Variants in ITGB1 observed in about 807,000 individuals in gnomAD.
ITGB1 encodes the protein integrin beta-1.
In ITGB1, 24 loss-of-function variants were observed where a neutral mutation model predicts 86.5. The ratio of observed to expected loss-of-function variants is 0.28; its 90% CI spans 0.20 to 0.39. The LOEUF is 0.39. Among genes scored for constraint, ITGB1 ranks in the 10% least tolerant of loss-of-function variants. ITGB1 has a pLI of 1.00. For missense variants in ITGB1, 556 were observed against 946.9 expected, an observed-to-expected ratio of 0.59 and a Z score of 5.42; for synonymous variants, 323 against 316.8, an observed-to-expected ratio of 1.02 and a Z score of -0.21.
intron 4 of ITGB1, among the ~76,000 whole-genome samples, chr10:32,928,832 T>C (rs2094973895): frequency 1.3e-5 from 2 of 151,612 alleles, no homozygotes; most frequent in South Asian, 4.2e-4. Flanking sequence ...AGAGAGATGA[T>C]GAAGGAGGAG....
Position 32,908,371 on chromosome 10 carries a change from G to A in ITGB1, c.2328C>T (p.Asp776=), listed in dbSNP as rs1397813663. Residue 776 remains aspartate, a synonymous_variant, in exon 15 of 16, where the codon GAC becomes GAT. Transcript: ENST00000302278. ...TTTTGGATGTTTTGTAACTTACCGT[G>A]TCCCATTTGGCATTCATTTTCTCCT... The part of the protein sequence containing the change: ...FEKEKMNAKW[D]TGENPIYKSA... The A allele has an allele frequency of 1.2e-6, 2 of 1,613,750 alleles. No homozygotes were observed.
Position 32,929,884 on chromosome 10 carries a change from T to C in ITGB1, c.314A>G (p.Lys105Arg). The C allele has an allele frequency of 6.2e-7, 1 of 1,613,556 alleles. No individual in the cohort carries two copies. Among genetic ancestry groups the C allele is most frequent in the Non-Finnish European group, 8.5e-7 (1 of 1,179,430 alleles). Residue 105 changes from lysine to arginine, a missense_variant, in exon 4 of 16, where the codon AAG (lysine) becomes AGG (arginine). Transcript: ENST00000302278. ...CTGAGTAATATCCTCTGGCTTGAGC[T>C]TCTCTGCTGTTCCTTTGCTACGGTT... ...VTNRSKGTAE[K>R]LKPEDITQIQ...
chr10:32,934,274 C>G (rs2094993694), intron 2 of ITGB1, among the ~76,000 whole-genome samples: 1 of 152,142 alleles, frequency 6.6e-6, no homozygotes, highest in South Asian at 2.1e-4. Flanking sequence ...CATGTACATA[C>G]TTTTCTTCCT....
chr10:32,948,415 T>C (rs2095036245), intron 1 of ITGB1, among the ~76,000 whole-genome samples: 1 of 152,064 alleles, frequency 6.6e-6, no homozygotes. Context: ...AACACTGATA[T>C]CACAGAAACC....
At chr10:32,920,153 T>G in intron 10 of ITGB1, 69 bp from the exon 11 acceptor site, 1 of 1,562,386 alleles carries the variant, frequency 6.4e-7, no homozygotes, top group East Asian at 2.2e-5. Context: ...TTTCAAAAAG[T>G]TGCTCACTTA....
chr10:32,929,270 G>A (rs557052402), intron 4 of ITGB1, among the ~76,000 whole-genome samples: 1 of 152,228 alleles, frequency 6.6e-6, no homozygotes, highest in Non-Finnish European at 1.5e-5. Context: ...CTTTGCTAGA[G>A]CAGGATGAGG....
At chr10:32,930,484 C>T (rs552292867) in intron 3 of ITGB1, among the ~76,000 whole-genome samples, 7 of 152,104 alleles carry the variant, frequency 4.6e-5, no homozygotes, top group Admixed American at 3.3e-4. Context: ...CTGAACAACC[C>T]GATGTTTAGG....
intron 15 of ITGB1, among the ~76,000 whole-genome samples, chr10:32,904,999 C>T (rs981292587): frequency 3.6e-4 from 54 of 148,402 alleles, no homozygotes; most frequent in African/African-American, 1.3e-3. Context: ...AAATTGTCAA[C>T]ATTTGACTAT....
chr10:32,911,723 T>C, intron 12 of ITGB1, 53 bp from the exon 13 acceptor site: 2 of 1,580,570 alleles, frequency 1.3e-6, no homozygotes, highest in South Asian at 2.2e-5. Context: ...AATCACAGTA[T>C]TGACTGAAAA....
chr10:32,948,693 C>A (rs2095036861), intron 1 of ITGB1, among the ~76,000 whole-genome samples: 1 of 152,110 alleles, frequency 6.6e-6, no homozygotes, highest in Non-Finnish European at 1.5e-5. Flanking sequence ...TCTCTTCTCT[C>A]ACTCTCTTGC....
chr10:32,922,812 A>C, intron 7 of ITGB1, 77 bp from the exon 8 acceptor site: 1 of 768,330 alleles, frequency 1.3e-6, no homozygotes, highest in South Asian at 1.9e-5. Context: ...CTAGTTATAC[A>C]TGCAAGATTA....
Position 32,922,180 on chromosome 10 carries a change from G to A in ITGB1, c.1128+77C>T, listed in dbSNP as rs774937576. 6.5e-5 allele frequency: 59 copies of A among 900,780 alleles called. No homozygotes were observed. In the Middle Eastern group the frequency reaches 1.1e-3, roughly 17 times the overall value. 55.8% of individuals were successfully genotyped at this position (900,780 alleles called of 1,614,324 possible). Reference sequence around the variant, plus strand: ...TTGGGCTCGCTAAAGTGTGTATGAAGGAAGTTTTACTTTCTTTGTACAAAG... The same window carrying A: ...TTGGGCTCGCTAAAGTGTGTATGAAAGAAGTTTTACTTTCTTTGTACAAAG... On this transcript the variant is annotated intron_variant, in intron 9 of 15. Coordinates refer to ENST00000302278, the MANE Select transcript of ITGB1 (RefSeq NM_002211.4).
At chr10:32,957,299 A>G (rs2095054334) in intron 1 of ITGB1, among the ~76,000 whole-genome samples, 1 of 152,188 alleles carries the variant, frequency 6.6e-6, no homozygotes, top group Admixed American at 6.5e-5. Flanking sequence ...TTACTTAGAG[A>G]GTAGGAGTCT....
At chr10:32,916,531 T>C (rs959404707) in intron 11 of ITGB1, among the ~76,000 whole-genome samples, 1 of 152,136 alleles carries the variant, frequency 6.6e-6, no homozygotes, top group Non-Finnish European at 1.5e-5. Flanking sequence ...ATCACAGGCA[T>C]TCCTGTACAC....
At chr10:32,941,878 G>A (rs1461541018) in intron 1 of ITGB1, among the ~76,000 whole-genome samples, 3 of 152,126 alleles carry the variant, frequency 2.0e-5, no homozygotes, top group Non-Finnish European at 2.9e-5. Flanking sequence ...GATGTACGAG[G>A]GAGAATGGGG....
In ITGB1 at chr10:32,929,876, G is replaced by C; in HGVS notation, c.322C>G (p.Pro108Ala). 5 of 1,613,572 alleles carry C rather than the reference G, an allele frequency of 3.1e-6. No individual in the cohort carries two copies. Among genetic ancestry groups the C allele is most frequent in the Non-Finnish European group, 4.2e-6 (5 of 1,179,566 alleles). Residue 108 changes from proline to alanine, a missense_variant, in exon 4 of 16, where the codon CCA becomes GCA. By Grantham distance (27) the Pro-to-Ala change is conservative (BLOSUM62 -1). Transcript: ENST00000302278. ...GGTTGGATCTGAGTAATATCCTCTG[G>C]CTTGAGCTTCTCTGCTGTTCCTTTG... Reference protein sequence around the residue: ...RSKGTAEKLKPEDITQIQPQQ... With the variant: ...RSKGTAEKLKAEDITQIQPQQ...
chr10:32,903,896 A>G (rs1382355968), intron 15 of ITGB1, among the ~76,000 whole-genome samples: 2 of 152,152 alleles, frequency 1.3e-5, no homozygotes, highest in African/African-American at 4.8e-5. Context: ...AGTGCTACAC[A>G]TTCCTTCAAA....
rs1461362527 is a variant in ITGB1 at position 32,901,252 on chromosome 10, T to C, written c.*318A>G. ...TCATCATGCTCATTACTTTAACTAT[T>C]GCCCTTTCAATCGCTATAGAAATAT... On this transcript the variant is annotated 3_prime_UTR_variant, in exon 16 of 16. Transcript: ENST00000302278. 2 of 226,478 alleles carry C rather than the reference T, an allele frequency of 8.8e-6. No individual in the cohort carries two copies. Among genetic ancestry groups the C allele is most frequent in the Non-Finnish European group, 1.7e-5 (2 of 120,814 alleles). 14.0% of individuals were successfully genotyped at this position (226,478 alleles called of 1,614,324 possible).
Position 32,947,304 on chromosome 10 carries a change from A to AG in ITGB1, c.-1+10840_-1+10841insC, listed in dbSNP as rs1044155293. Among the ~76,000 whole-genome samples, 108 of 152,044 alleles carry AG rather than the reference A, an allele frequency of 7.1e-4. 2 individuals are homozygous for AG. Among genetic ancestry groups the AG allele is most frequent in the African/African-American group, 2.5e-3 (102 of 41,540 alleles). On this transcript the variant is annotated intron_variant, in intron 1 of 15. Transcript: ENST00000302278. ...AACTGAAATTTCATTAAATAAAAAA[A>AG]AAAGAAAGAAAGAAAACTGCTAGAC...
Sources: allele counts gnomAD v4.1 joint callset (sites outside exome capture counted in the v4.1 genomes callset), GRCh38; gene constraint gnomAD v4.1.1; transcripts MANE v1.5; gene names NCBI Gene and HGNC (gene_info 2026-07-23, HGNC 2026-07-21).